Variants in ANKRD17 observed in about 807,000 individuals in gnomAD.
ANKRD17 encodes ankyrin repeat domain 17.
ANKRD17 carries 19 observed loss-of-function variants against 229.7 expected under a neutral mutation model. The observed-to-expected ratio is 0.08, with a 90% confidence interval of 0.06 to 0.12. The LOEUF is 0.12. Ranked by LOEUF, ANKRD17 falls within the 10% of genes least tolerant of loss-of-function variation. The pLI, the probability that ANKRD17 is intolerant of heterozygous loss-of-function variation, is 1.00. For synonymous variants in ANKRD17, 1,112 were observed against 1,146.1 expected (o/e 0.97, Z 0.60); for missense variants, 2,176 against 3,176.8 (o/e 0.68, Z 7.57).
chr4:73,208,704 T>C (rs1416229775), intron 1 of ANKRD17, among the ~76,000 whole-genome samples: 1 of 152,108 alleles, frequency 6.6e-6, no homozygotes, highest in Admixed American at 6.6e-5. Context: ...TTAGAAAACA[T>C]TTAGAACTAA....
intron 1 of ANKRD17, among the ~76,000 whole-genome samples, chr4:73,216,603 A>C (rs1184914187): frequency 2.6e-5 from 4 of 152,214 alleles, no homozygotes; most frequent in African/African-American, 9.7e-5. Flanking sequence ...TATTCCTTAT[A>C]AGCTGCTTAT....
In ANKRD17 at chr4:73,188,435, A is replaced by G. The variant is rs1414945788; in HGVS notation, c.394-10902T>C. On this transcript the variant is annotated intron_variant, in intron 1 of 33. Coordinates refer to ENST00000358602, the MANE Select transcript of ANKRD17 (RefSeq NM_032217.5). ...CCTCATCTCTACTAAAAATATAAAA[A>G]TTAGCCGGGCATGGTGGTATGCGCC... is the stretch of plus-strand genomic sequence containing the variant. Among the ~76,000 whole-genome samples, 5 of 152,008 alleles carry G rather than the reference A, an allele frequency of 3.3e-5. 1 individual carries two copies. The highest frequency in any genetic ancestry group is 3.3e-4 in the Admixed American group (5 of 15,270).
At chr4:73,191,861 C>T (rs1453399167) in intron 1 of ANKRD17, among the ~76,000 whole-genome samples, 1 of 151,952 alleles carries the variant, frequency 6.6e-6, no homozygotes, top group African/African-American at 2.4e-5. Flanking sequence ...TTTAAAAATA[C>T]AATTTTCTTT....
rs111817859 is a variant in ANKRD17 at position 73,171,357 on chromosome 4, T to A, written c.547+6023A>T. ...AATCCATAAAAAATCATAGCGATAC[T>A]GGGATTGGGGTGCACCCCAATGCAG... On this transcript the variant is annotated intron_variant, in intron 2 of 33. Coordinates refer to ENST00000358602, the MANE Select transcript of ANKRD17 (RefSeq NM_032217.5). 1.9e-3 allele frequency among the ~76,000 whole-genome samples: 287 copies of A among 152,326 alleles called. 1 individual carries two copies. The highest frequency in any genetic ancestry group is 6.6e-3 in the African/African-American group (275 of 41,584).
chr4:73,253,300 T>C (rs1273948202), intron 1 of ANKRD17, among the ~76,000 whole-genome samples: 1 of 152,242 alleles, frequency 6.6e-6, no homozygotes, highest in African/African-American at 2.4e-5. Flanking sequence ...TGGTGTATTT[T>C]TAAATCAAGG....
chr4:73,147,771 T>C (rs1288092877), intron 8 of ANKRD17, among the ~76,000 whole-genome samples: 1 of 152,084 alleles, frequency 6.6e-6, no homozygotes, highest in African/African-American at 2.4e-5. Flanking sequence ...ATGATGATGA[T>C]GATAATAAAA....
At chr4:73,172,217 C>G (rs1266263977) in intron 2 of ANKRD17, among the ~76,000 whole-genome samples, 1 of 152,190 alleles carries the variant, frequency 6.6e-6, no homozygotes. Context: ...TCCAATACAT[C>G]TAGCAGCAGA....
chr4:73,110,504 T>G (rs1485960050), intron 24 of ANKRD17, among the ~76,000 whole-genome samples: 1 of 152,188 alleles, frequency 6.6e-6, no homozygotes, highest in Non-Finnish European at 1.5e-5. Flanking sequence ...TTTTCCAAAT[T>G]AGAAAGACTG....
chr4:73,236,781 T>A (rs576788023), intron 1 of ANKRD17, among the ~76,000 whole-genome samples: 2 of 152,242 alleles, frequency 1.3e-5, no homozygotes, highest in African/African-American at 4.8e-5. Flanking sequence ...ATAATGTAGA[T>A]TACCTCCATT....
At chr4:73,082,430 T>C (rs2110105844) in intron 30 of ANKRD17, among the ~76,000 whole-genome samples, 1 of 152,126 alleles carries the variant, frequency 6.6e-6, no homozygotes, top group South Asian at 2.1e-4. Context: ...TGATTGAGGC[T>C]GCAGTAAGCT....
intron 30 of ANKRD17, among the ~76,000 whole-genome samples, chr4:73,081,625 C>A (rs1051689543): frequency 6.6e-6 from 1 of 152,092 alleles, no homozygotes; most frequent in African/African-American, 2.4e-5. Context: ...GAGGATGGGG[C>A]AGATCTAGGT....
chr4:73,170,066 G>A (rs1221100084), intron 2 of ANKRD17, among the ~76,000 whole-genome samples: 2 of 152,128 alleles, frequency 1.3e-5, no homozygotes, highest in Non-Finnish European at 2.9e-5. Context: ...GACTGGGGAT[G>A]GGGAGCAGGC....
intron 18 of ANKRD17, among the ~76,000 whole-genome samples, chr4:73,122,568 A>G (rs1423886645): frequency 6.6e-6 from 1 of 152,146 alleles, no homozygotes; most frequent in Non-Finnish European, 1.5e-5. Context: ...CACAATATTC[A>G]TTCTCATTTT....
At position 73,161,380 on chromosome 4, in the gene ANKRD17, C is replaced by T. The variant is rs1249765982; in HGVS notation, c.548-32G>A. On this transcript the variant is annotated intron_variant, in intron 2 of 33. Transcript: ENST00000358602. ...TATTATTTTCACACCAATATGGACA[C>T]ACCCAAAAGGAGAAACAAAGCAAAA... is the stretch of plus-strand genomic sequence containing the variant. 3.7e-6 allele frequency: 6 copies of T among 1,607,732 alleles called. No homozygotes were observed. In the Admixed American group the frequency reaches 5.1e-5, roughly 14 times the overall value.
At chr4:73,189,087 T>C (rs926063813) in intron 1 of ANKRD17, among the ~76,000 whole-genome samples, 1 of 152,090 alleles carries the variant, frequency 6.6e-6, no homozygotes, top group Non-Finnish European at 1.5e-5. Context: ...TCTATCAAAA[T>C]TACATAGCAT....
In ANKRD17 at chr4:73,074,556, T is replaced by C. The variant is rs928877086; in HGVS notation, c.*1675A>G. 1 of 151,948 alleles carries C rather than the reference T, an allele frequency of 6.6e-6. No homozygotes were observed. Among genetic ancestry groups the C allele is most frequent in the African/African-American group, 2.4e-5 (1 of 41,414 alleles). 9.4% of individuals were successfully genotyped at this position (151,948 alleles called of 1,614,324 possible). ...AGACCACTTCTTAAACTAAAAGATATGAGTGTACTGTTTACAAATTTCTGG... is the reference window on the plus strand; with the variant it reads ...AGACCACTTCTTAAACTAAAAGATACGAGTGTACTGTTTACAAATTTCTGG... On this transcript the variant is annotated 3_prime_UTR_variant, in exon 34 of 34. Coordinates refer to ENST00000358602, the MANE Select transcript of ANKRD17 (RefSeq NM_032217.5).
intron 28 of ANKRD17, among the ~76,000 whole-genome samples, chr4:73,093,120 A>T (rs1182441728): frequency 2.6e-5 from 4 of 152,168 alleles, no homozygotes; most frequent in African/African-American, 9.7e-5. Context: ...TTGAGGTATG[A>T]TGTAACTATT....
intron 5 of ANKRD17, among the ~76,000 whole-genome samples, chr4:73,154,958 G>A (rs1403738217): frequency 6.6e-6 from 1 of 150,978 alleles, no homozygotes; most frequent in African/African-American, 2.4e-5. Flanking sequence ...GGAGAATGGC[G>A]TGAACCCGGG....
intron 1 of ANKRD17, among the ~76,000 whole-genome samples, chr4:73,184,528 CAAAAAAAAAAAAAAAAAA>C (rs776930137): frequency 3.3e-5 from 1 of 29,976 alleles, no homozygotes; most frequent in Non-Finnish European, 6.5e-5. Context: ...GACTTCCTCT[CAAAAAAAAAAAAAAAAAA>C]AAAAAAAGAA....
Sources: allele counts gnomAD v4.1 joint callset (sites outside exome capture counted in the v4.1 genomes callset), GRCh38; gene constraint gnomAD v4.1.1; transcripts MANE v1.5; gene names NCBI Gene and HGNC (gene_info 2026-07-23, HGNC 2026-07-21).